DLGAP1: variants seen among roughly 807,000 people sequenced by gnomAD.
DLGAP1 encodes disks large-associated protein 1.
In DLGAP1, 11 loss-of-function variants were observed where a neutral mutation model predicts 90.8. The observed-to-expected ratio is 0.12, with a 90% CI of 0.08 to 0.20. The LOEUF (loss-of-function observed/expected upper bound fraction) is 0.20, where lower values mean the gene tolerates loss of function less well. Among genes scored for constraint, DLGAP1 ranks in the 10% least tolerant of loss-of-function variants. The pLI is 1.00. For synonymous variants in DLGAP1, 558 were observed against 540.7 expected (o/e 1.03, Z -0.44); for missense variants, 1,050 against 1,333.8 (o/e 0.79, Z 3.31).
At chr18:3,946,150 G>A (rs771107481) in intron 3 of DLGAP1, among the ~76,000 whole-genome samples, 2 of 151,330 alleles carry the variant, frequency 1.3e-5, no homozygotes, top group Non-Finnish European at 2.9e-5. Flanking sequence ...TGAGTCCTTT[G>A]GTTGCACAAA....
intron 3 of DLGAP1, among the ~76,000 whole-genome samples, chr18:3,982,596 T>C (rs1462421665): frequency 6.6e-6 from 1 of 152,162 alleles, no homozygotes; most frequent in East Asian, 1.9e-4. Flanking sequence ...GGATAGCCTG[T>C]GATCAGTTCT....
chr18:3,698,773 T>C lies in DLGAP1; in HGVS notation c.1591+30362A>G, dbSNP rs143622435. Among the ~76,000 whole-genome samples the C allele has an allele frequency of 4.3e-3, 662 of 152,326 alleles. 10 individuals are homozygous for C. The highest frequency in any genetic ancestry group is 0.015 in the African/African-American group (640 of 41,580). On this transcript the variant is annotated intron_variant, in intron 7 of 12. Coordinates refer to ENST00000315677, the MANE Select transcript of DLGAP1 (RefSeq NM_004746.4). Reference sequence around the variant, plus strand: ...TTCCTTTCTCCCCATCACTTTCAGGTACACCAATCAAACATAAGTTTGGTC... The same window carrying C: ...TTCCTTTCTCCCCATCACTTTCAGGCACACCAATCAAACATAAGTTTGGTC...
chr18:4,079,374 A>G (rs1213031012), intron 2 of DLGAP1, among the ~76,000 whole-genome samples: 1 of 151,642 alleles, frequency 6.6e-6, no homozygotes, highest in Non-Finnish European at 1.5e-5. Flanking sequence ...ATAAAATAAT[A>G]TCTTTTTCAG....
chr18:4,389,118 T>C (rs1396977777), intron 1 of DLGAP1, among the ~76,000 whole-genome samples: 3 of 152,182 alleles, frequency 2.0e-5, no homozygotes, highest in East Asian at 1.9e-4. Context: ...CAACTGATCA[T>C]TGATGGATGA....
intron 7 of DLGAP1, among the ~76,000 whole-genome samples, chr18:3,649,095 C>T (rs1003858765): frequency 1.5e-4 from 23 of 152,312 alleles, no homozygotes; most frequent in Admixed American, 7.2e-4. Context: ...ACTTTCATAT[C>T]GTTGATGAGT....
chr18:4,020,907 C>T (rs539575285), intron 2 of DLGAP1, among the ~76,000 whole-genome samples: 1 of 152,132 alleles, frequency 6.6e-6, no homozygotes, highest in African/African-American at 2.4e-5. Flanking sequence ...AGTTATTTTG[C>T]ACAACCTGTG....
At chr18:3,794,913 C>T (rs2065909957) in intron 5 of DLGAP1, among the ~76,000 whole-genome samples, 1 of 152,186 alleles carries the variant, frequency 6.6e-6, no homozygotes, top group South Asian at 2.1e-4. Flanking sequence ...AGCTTCTCTC[C>T]CACTTATCTC....
chr18:3,726,858 C>T (rs905599924), intron 7 of DLGAP1, among the ~76,000 whole-genome samples: 3 of 152,080 alleles, frequency 2.0e-5, no homozygotes, highest in Admixed American at 6.6e-5. Context: ...GGAGGTGGCT[C>T]GTACTTAGGA....
At chr18:4,299,216 C>T (rs2080065316) in intron 1 of DLGAP1, among the ~76,000 whole-genome samples, 1 of 152,034 alleles carries the variant, frequency 6.6e-6, no homozygotes, top group South Asian at 2.1e-4. Context: ...TTCCAGTGCA[C>T]ACCAAGATTT....
chr18:3,519,141 C>G (rs1292569060), intron 10 of DLGAP1, among the ~76,000 whole-genome samples: 2 of 152,166 alleles, frequency 1.3e-5, no homozygotes, highest in East Asian at 3.9e-4. Flanking sequence ...TTAAAGCACA[C>G]TGGACATTCA....
intron 1 of DLGAP1, among the ~76,000 whole-genome samples, chr18:4,216,301 C>CCA (rs370163226): frequency 1.3e-5 from 2 of 148,296 alleles, no homozygotes; most frequent in African/African-American, 5.0e-5. Context: ...ACCCCCCCCC[C>CCA]ACCAGGTCCC....
chr18:3,547,629 G>A (rs1211304565), intron 9 of DLGAP1, among the ~76,000 whole-genome samples: 4 of 152,098 alleles, frequency 2.6e-5, no homozygotes, highest in Non-Finnish European at 1.5e-5. Context: ...GTAAGTGTTG[G>A]CCAGTTTGTG....
intron 3 of DLGAP1, among the ~76,000 whole-genome samples, chr18:3,894,387 G>A (rs112940212): frequency 0.016 from 2,392 of 152,136 alleles, 60 homozygotes; most frequent in African/African-American, 0.054. Flanking sequence ...GTTAATTTTT[G>A]TATACAGTGA....
At chr18:3,675,750 G>C (rs1197102623) in intron 7 of DLGAP1, among the ~76,000 whole-genome samples, 1 of 152,202 alleles carries the variant, frequency 6.6e-6, no homozygotes, top group South Asian at 2.1e-4. Context: ...TGGTGTGCTG[G>C]TAAATGTTTA....
chr18:4,348,254 G>A (rs1199596582), intron 1 of DLGAP1, among the ~76,000 whole-genome samples: 4 of 152,072 alleles, frequency 2.6e-5, no homozygotes, highest in Non-Finnish European at 5.9e-5. Flanking sequence ...GATGCTGAGA[G>A]TGAAGTTTCT....
intron 4 of DLGAP1, among the ~76,000 whole-genome samples, chr18:3,859,086 T>C (rs770491551): frequency 1.3e-5 from 2 of 152,228 alleles, no homozygotes; most frequent in Non-Finnish European, 2.9e-5. Context: ...AATGACTGTA[T>C]ACTGCAGAGT....
chr18:3,562,526 C>A (rs1160468150), intron 9 of DLGAP1, among the ~76,000 whole-genome samples: 1 of 149,728 alleles, frequency 6.7e-6, no homozygotes, highest in Non-Finnish European at 1.5e-5. Context: ...CCTGCAGAAG[C>A]CCTCTTCTCT....
chr18:4,255,414 CTCTCTA>C (rs1334058537), intron 1 of DLGAP1, among the ~76,000 whole-genome samples: 1 of 151,358 alleles, frequency 6.6e-6, no homozygotes, highest in Non-Finnish European at 1.5e-5. Context: ...AACTGACTCT[CTCTCTA>C]TGTTACTCTC....
At chr18:3,598,075 G>T (rs772554633) in intron 7 of DLGAP1, 1 of 152,326 alleles carries the variant, frequency 6.6e-6, no homozygotes, top group Non-Finnish European at 1.5e-5. Context: ...CTTGGGCCGG[G>T]TGCGGTGGCT....
Sources: allele counts gnomAD v4.1 joint callset (sites outside exome capture counted in the v4.1 genomes callset), GRCh38; gene constraint gnomAD v4.1.1; transcripts MANE v1.5; gene names NCBI Gene and HGNC (gene_info 2026-07-23, HGNC 2026-07-21).